The following GPR158 variants were observed in gnomAD, a reference collection of about 807,000 sequenced individuals.
GPR158 encodes G protein-coupled receptor 158.
A neutral mutation model predicts 78.2 loss-of-function variants in GPR158; 30 were observed. That is an observed-to-expected ratio of 0.38 (90% CI 0.29 to 0.52). The LOEUF (loss-of-function observed/expected upper bound fraction) is 0.52. Among genes scored for constraint, GPR158 ranks in the 20% least tolerant of loss-of-function variants. GPR158 has a pLI of 0.83. For synonymous variants in GPR158, 581 were observed against 591.1 expected (o/e 0.98, Z 0.25); for missense variants, 1,463 against 1,523.5 (o/e 0.96, Z 0.66).
chr10:25,456,762 TTA>T (rs1835296893), intron 4 of GPR158, among the ~76,000 whole-genome samples: 1 of 150,900 alleles, frequency 6.6e-6, no homozygotes, highest in South Asian at 2.1e-4. Flanking sequence ...AAAGTACATT[TTA>T]TGTTTTTAAA....
chr10:25,448,369 C>T (rs530144549), intron 4 of GPR158, among the ~76,000 whole-genome samples: 1 of 152,154 alleles, frequency 6.6e-6, no homozygotes, highest in East Asian at 1.9e-4. Flanking sequence ...GGATTACAGG[C>T]GTGAGCCACC....
chr10:25,314,326 C>G (rs1854814061), intron 2 of GPR158, among the ~76,000 whole-genome samples: 1 of 152,128 alleles, frequency 6.6e-6, no homozygotes, highest in African/African-American at 2.4e-5. Flanking sequence ...GTCTCAATCT[C>G]TTGACCTCAT....
At chr10:25,473,684 AGAGT>A (rs1366127537) in intron 5 of GPR158, among the ~76,000 whole-genome samples, 1 of 152,114 alleles carries the variant, frequency 6.6e-6, no homozygotes, top group Non-Finnish European at 1.5e-5. Context: ...TAGTCTCAGT[AGAGT>A]GTATGTGTCG....
chr10:25,584,236 C>T (rs1220300469), intron 7 of GPR158, among the ~76,000 whole-genome samples: 1 of 152,218 alleles, frequency 6.6e-6, no homozygotes, highest in African/African-American at 2.4e-5. Context: ...CGTATTTCAA[C>T]TCCCACGTAA....
intron 2 of GPR158, among the ~76,000 whole-genome samples, chr10:25,391,687 C>T (rs1220363295): frequency 6.6e-6 from 1 of 152,042 alleles, no homozygotes; most frequent in East Asian, 1.9e-4. Flanking sequence ...TTACCTTGTC[C>T]CAGATTAGAC....
intron 2 of GPR158, among the ~76,000 whole-genome samples, chr10:25,369,789 A>G (rs922404919): frequency 1.2e-4 from 18 of 152,106 alleles, no homozygotes; most frequent in African/African-American, 3.1e-4. Flanking sequence ...CTGTGAATCC[A>G]TCTGGTCCTG....
intron 2 of GPR158, among the ~76,000 whole-genome samples, chr10:25,380,312 G>C (rs1257667288): frequency 6.6e-6 from 1 of 152,072 alleles, no homozygotes; most frequent in Non-Finnish European, 1.5e-5. Flanking sequence ...GTTCTTTGTA[G>C]TTTCAAATGT....
At chr10:25,499,609 A>G (rs930602515) in intron 5 of GPR158, among the ~76,000 whole-genome samples, 2 of 152,274 alleles carry the variant, frequency 1.3e-5, no homozygotes, top group Non-Finnish European at 2.9e-5. Context: ...ACATTAACTA[A>G]TAAACATTTC....
At chr10:25,293,328 T>G (rs2130766841) in intron 2 of GPR158, among the ~76,000 whole-genome samples, 1 of 152,310 alleles carries the variant, frequency 6.6e-6, no homozygotes, top group South Asian at 2.1e-4. Flanking sequence ...CTGAACCTGG[T>G]TTCTGACTCT....
At position 25,464,745 on chromosome 10, in the gene GPR158, T is replaced by C. The variant is rs1446874176; in HGVS notation, c.1336-1906T>C. 2.0e-5 allele frequency among the ~76,000 whole-genome samples: 3 copies of C among 152,218 alleles called. No homozygotes were observed. In the South Asian group the frequency reaches 6.2e-4, roughly 32 times the overall value. ...GCCAACCAATAGCATACAAATTATTTTACAGACAGTCATGTATAATATTTT... is the reference window on the plus strand; with the variant it reads ...GCCAACCAATAGCATACAAATTATTCTACAGACAGTCATGTATAATATTTT... On this transcript the variant is annotated intron_variant, in intron 4 of 10. Coordinates refer to ENST00000376351, the MANE Select transcript of GPR158 (RefSeq NM_020752.3).
intron 1 of GPR158, among the ~76,000 whole-genome samples, chr10:25,180,461 C>G (rs1852599137): frequency 6.6e-6 from 1 of 152,122 alleles, no homozygotes; most frequent in Non-Finnish European, 1.5e-5. Flanking sequence ...CTTGATTCCC[C>G]AATTTTGTCA....
chr10:25,191,518 A>T (rs1326880291), intron 1 of GPR158, among the ~76,000 whole-genome samples: 3 of 152,244 alleles, frequency 2.0e-5, no homozygotes, highest in Admixed American at 6.5e-5. Flanking sequence ...TATATTAAAC[A>T]CAAAGTCTTT....
chr10:25,532,673 A>G (rs1298955840), intron 5 of GPR158, among the ~76,000 whole-genome samples: 3 of 152,236 alleles, frequency 2.0e-5, no homozygotes, highest in Non-Finnish European at 2.9e-5. Context: ...CATTTATGCA[A>G]TGACCTAACC....
chr10:25,200,878 T>G (rs545809439), intron 1 of GPR158, among the ~76,000 whole-genome samples: 42 of 146,490 alleles, frequency 2.9e-4, no homozygotes, highest in African/African-American at 4.5e-4. Flanking sequence ...GTTTTTTTTT[T>G]TTTTTTTTTC....
intron 5 of GPR158, among the ~76,000 whole-genome samples, chr10:25,515,757 T>C (rs1358835391): frequency 2.2e-4 from 32 of 144,404 alleles, no homozygotes; most frequent in African/African-American, 4.7e-4. Flanking sequence ...ATTTTCTTAA[T>C]CCAGTCTATC....
intron 7 of GPR158, among the ~76,000 whole-genome samples, chr10:25,574,828 T>G (rs1351190675): frequency 6.6e-6 from 1 of 152,078 alleles, no homozygotes; most frequent in Non-Finnish European, 1.5e-5. Context: ...GAGGTCGCAG[T>G]AAGCCGAGAT....
At chr10:25,289,545 G>T (rs1854404245) in intron 2 of GPR158, among the ~76,000 whole-genome samples, 1 of 151,954 alleles carries the variant, frequency 6.6e-6, no homozygotes, top group Non-Finnish European at 1.5e-5. Flanking sequence ...CCATTCTCCT[G>T]CCTCAGCCTC....
At chr10:25,362,912 A>G (rs1314994411) in intron 2 of GPR158, among the ~76,000 whole-genome samples, 2 of 151,804 alleles carry the variant, frequency 1.3e-5, no homozygotes, top group Non-Finnish European at 2.9e-5. Context: ...TAACCACACA[A>G]ATTCTCTTTT....
chr10:25,302,950 A>G (rs1854620242), intron 2 of GPR158, among the ~76,000 whole-genome samples: 1 of 152,220 alleles, frequency 6.6e-6, no homozygotes, highest in African/African-American at 2.4e-5. Context: ...ACTGTGATTT[A>G]TTTCTTTGAC....
Sources: gnomAD v4.1 joint callset for allele counts (sites outside exome capture counted in the v4.1 genomes callset) on GRCh38, gnomAD v4.1.1 for gene constraint, MANE v1.5 for transcripts, NCBI Gene and HGNC (gene_info 2026-07-23, HGNC 2026-07-21) for gene names.